NCAM2: variants seen among roughly 807,000 people sequenced by gnomAD.
NCAM2 encodes neural cell adhesion molecule 2.
A neutral mutation model predicts 98.1 loss-of-function variants in NCAM2; 30 were observed. The ratio of observed to expected loss-of-function variants is 0.31; its 90% CI spans 0.23 to 0.41. The LOEUF is 0.41. Ranked by LOEUF, NCAM2 falls within the 10% of genes least tolerant of loss-of-function variation. The pLI, the probability that NCAM2 is intolerant of heterozygous loss-of-function variation, is 1.00. For synonymous variants in NCAM2, 368 were observed against 342.4 expected (o/e 1.07, Z -0.83); for missense variants, 867 against 1,005.8 (o/e 0.86, Z 1.87).
At chr21:21,498,540 G>C (rs1186560616) in intron 15 of NCAM2, among the ~76,000 whole-genome samples, 1 of 152,086 alleles carries the variant, frequency 6.6e-6, no homozygotes, top group Non-Finnish European at 1.5e-5. Context: ...TCTGTAAGCA[G>C]TTTTATATAT....
intron 12 of NCAM2, among the ~76,000 whole-genome samples, chr21:21,457,789 A>G (rs1569084886): frequency 6.6e-6 from 1 of 152,204 alleles, no homozygotes; most frequent in South Asian, 2.1e-4. Context: ...ATTTTTCCTG[A>G]CTGCTTATAT....
chr21:21,014,615 T>C (rs1212062428), intron 1 of NCAM2, among the ~76,000 whole-genome samples: 1 of 152,200 alleles, frequency 6.6e-6, no homozygotes, highest in Non-Finnish European at 1.5e-5. Flanking sequence ...ATGCCTCTGC[T>C]CAATCAAGAG....
At chr21:21,154,495 T>C (rs540638811) in intron 1 of NCAM2, among the ~76,000 whole-genome samples, 5 of 151,872 alleles carry the variant, frequency 3.3e-5, no homozygotes, top group African/African-American at 1.2e-4. Context: ...AATGAACTTA[T>C]AGATAAAATG....
chr21:21,433,299 A>T (rs2077384297), intron 12 of NCAM2, among the ~76,000 whole-genome samples: 1 of 152,150 alleles, frequency 6.6e-6, no homozygotes. Context: ...ATCTGTGCAC[A>T]TTGTGTGGTT....
chr21:21,207,333 T>C (rs2069476794), intron 1 of NCAM2, among the ~76,000 whole-genome samples: 1 of 152,146 alleles, frequency 6.6e-6, no homozygotes, highest in African/African-American at 2.4e-5. Flanking sequence ...TTATCTGTCT[T>C]GGATGTTATT....
intron 6 of NCAM2, among the ~76,000 whole-genome samples, chr21:21,333,271 T>C (rs183718271): frequency 4.9e-4 from 74 of 152,304 alleles, no homozygotes; most frequent in African/African-American, 1.7e-3. Flanking sequence ...GTGAATGTAA[T>C]CTGTACACAC....
At chr21:21,203,027 T>C (rs1386960371) in intron 1 of NCAM2, among the ~76,000 whole-genome samples, 2 of 152,188 alleles carry the variant, frequency 1.3e-5, no homozygotes, top group African/African-American at 2.4e-5. Context: ...TCTTCAGTTT[T>C]TAACCTGGAG....
At chr21:21,070,832 G>C (rs2065546849) in intron 1 of NCAM2, among the ~76,000 whole-genome samples, 1 of 152,158 alleles carries the variant, frequency 6.6e-6, no homozygotes, top group Non-Finnish European at 1.5e-5. Flanking sequence ...AGTCAGTCTA[G>C]CTAGGAATGG....
At chr21:21,197,973 T>C (rs1161549352) in intron 1 of NCAM2, among the ~76,000 whole-genome samples, 3 of 152,236 alleles carry the variant, frequency 2.0e-5, no homozygotes, top group Admixed American at 6.5e-5. Flanking sequence ...ACCAGTGGTC[T>C]CCATGCCTGT....
chr21:21,341,253 A>G (rs191221579), intron 8 of NCAM2, among the ~76,000 whole-genome samples: 157 of 152,212 alleles, frequency 1.0e-3, no homozygotes, highest in Non-Finnish European at 1.9e-3. Flanking sequence ...TGTACTTTCC[A>G]TAAGAATCAC....
chr21:21,000,600 G>A (rs2064001674), intron 1 of NCAM2, among the ~76,000 whole-genome samples: 1 of 152,114 alleles, frequency 6.6e-6, no homozygotes, highest in East Asian at 1.9e-4. Flanking sequence ...TCTCTGAAGG[G>A]GAGCCCATAT....
chr21:21,452,168 CCACACACACACA>C (rs10591491), intron 12 of NCAM2, among the ~76,000 whole-genome samples: 1 of 144,872 alleles, frequency 6.9e-6, no homozygotes, highest in Non-Finnish European at 1.5e-5. Context: ...TGTGAACTGA[CCACACACACACA>C]CACACACACA....
At chr21:21,365,984 A>G (rs1021346405) in intron 8 of NCAM2, among the ~76,000 whole-genome samples, 1 of 152,030 alleles carries the variant, frequency 6.6e-6, no homozygotes, top group Non-Finnish European at 1.5e-5. Context: ...TAGGCAGGAA[A>G]AAAGGTGAAT....
intron 15 of NCAM2, among the ~76,000 whole-genome samples, chr21:21,504,285 T>C (rs926190885): frequency 1.3e-5 from 2 of 151,958 alleles, no homozygotes; most frequent in Non-Finnish European, 2.9e-5. Context: ...TTTTCTTTTA[T>C]GTAAATTAGA....
At chr21:21,409,741 G>A (rs1247445431) in intron 9 of NCAM2, among the ~76,000 whole-genome samples, 1 of 152,164 alleles carries the variant, frequency 6.6e-6, no homozygotes, top group Non-Finnish European at 1.5e-5. Flanking sequence ...ATGAGTGTAT[G>A]TTAATCCTAT....
At chr21:21,261,051 A>T (rs553230434) in intron 1 of NCAM2, among the ~76,000 whole-genome samples, 1 of 152,048 alleles carries the variant, frequency 6.6e-6, no homozygotes, top group Non-Finnish European at 1.5e-5. Flanking sequence ...AACAAGGGAT[A>T]CTCTTTTTGT....
intron 8 of NCAM2, among the ~76,000 whole-genome samples, chr21:21,364,934 G>A (rs2075747805): frequency 6.6e-6 from 1 of 152,102 alleles, no homozygotes; most frequent in African/African-American, 2.4e-5. Flanking sequence ...AATGTACAAT[G>A]TGATGGGCAG....
chr21:21,383,651 A>C (rs547045697), intron 9 of NCAM2, among the ~76,000 whole-genome samples: 1 of 152,088 alleles, frequency 6.6e-6, no homozygotes, highest in Non-Finnish European at 1.5e-5. Flanking sequence ...AGTAGTGAAG[A>C]TGTACTATCT....
At chr21:21,116,091 G>A (rs1021643921) in intron 1 of NCAM2, among the ~76,000 whole-genome samples, 12 of 151,058 alleles carry the variant, frequency 7.9e-5, no homozygotes, top group Non-Finnish European at 1.8e-4. Flanking sequence ...TTTGCACATA[G>A]ATGTACAGTT....
Sources: gnomAD v4.1 joint callset for allele counts (sites outside exome capture counted in the v4.1 genomes callset) on GRCh38, gnomAD v4.1.1 for gene constraint, MANE v1.5 for transcripts, NCBI Gene and HGNC (gene_info 2026-07-23, HGNC 2026-07-21) for gene names.